Variants in SLC28A1 observed in about 807,000 individuals in gnomAD.
SLC28A1 encodes the protein sodium/nucleoside cotransporter 1.
In SLC28A1, 64 loss-of-function variants were observed where a neutral mutation model predicts 74.8. That is an observed-to-expected ratio of 0.86 (90% CI 0.70 to 1.05). The LOEUF is 1.05. SLC28A1 is among the 50% of genes least tolerant of loss of function. The pLI is 0.00. For missense variants in SLC28A1, 828 were observed against 822.8 expected, an observed-to-expected ratio of 1.01 and a Z score of -0.08; for synonymous variants, 359 against 335.0, an observed-to-expected ratio of 1.07 and a Z score of -0.78.
chr15:84,890,345 G>A, intron 4 of SLC28A1, 98 bp from the exon 5 acceptor site: 2 of 886,292 alleles, frequency 2.3e-6, no homozygotes, highest in South Asian at 1.4e-5. Flanking sequence ...TGCCCCTGTT[G>A]CCACTTTACT....
At position 84,928,567 on chromosome 15, in the gene SLC28A1, T is replaced by C. The variant is rs1454580589; in HGVS notation, c.1083+4457T>C. Among the ~76,000 whole-genome samples, 21 of 16,398 alleles carry C rather than the reference T, an allele frequency of 1.3e-3. 1 individual carries two copies. Among genetic ancestry groups the C allele is most frequent in the African/African-American group, 8.4e-3 (18 of 2,134 alleles). The allele number at this position is 16,398 out of a possible 152,430, so 10.8% of individuals were successfully genotyped here. Reference sequence around the variant, plus strand: ...CTTTCTTTCTTTCTTTCTTTCTTTCTTTCTTTCTTTCTTTCTTTCTTTCTT... The same window carrying C: ...CTTTCTTTCTTTCTTTCTTTCTTTCCTTCTTTCTTTCTTTCTTTCTTTCTT... On this transcript the variant is annotated intron_variant, in intron 12 of 18. Transcript: ENST00000394573.
chr15:84,956,446 T>TTCCTTCCTTCCTTC, the SLC28A1 span, among the ~76,000 whole-genome samples: 139 of 84,742 alleles, frequency 1.6e-3, no homozygotes, highest in Admixed American at 2.8e-3. Context: ...TTCCTTCCTT[T>TTCCTTCCTTCCTTC]CTTTCTTTCT....
intron 9 of SLC28A1, among the ~76,000 whole-genome samples, chr15:84,913,352 C>G (rs914999207): frequency 6.6e-6 from 1 of 150,480 alleles, no homozygotes; most frequent in Non-Finnish European, 1.5e-5. Flanking sequence ...GGAGCCCTGG[C>G]TCAGCTTCCT....
intron 12 of SLC28A1, among the ~76,000 whole-genome samples, chr15:84,925,603 A>G (rs1039871955): frequency 6.6e-6 from 1 of 152,132 alleles, no homozygotes; most frequent in Non-Finnish European, 1.5e-5. Context: ...GTGTTTCAAA[A>G]AAAGAAAAGA....
rs1475493251 is a variant in SLC28A1, at chr15:84,931,523, G to T, written c.1084-1622G>T. Among the ~76,000 whole-genome samples the T allele has an allele frequency of 1.0e-4, 15 of 148,908 alleles. No individual in the cohort carries two copies. In the South Asian group the frequency reaches 3.2e-3, roughly 32 times the overall value. On this transcript the variant is annotated intron_variant, in intron 12 of 18. Coordinates refer to ENST00000394573, the MANE Select transcript of SLC28A1 (RefSeq NM_004213.5). ...AAAAATTAGCTGGGCGTGGTGGTGGGCGCCTGTAGTCCCAGCTACTTGGGA... is the reference window on the plus strand; with the variant it reads ...AAAAATTAGCTGGGCGTGGTGGTGGTCGCCTGTAGTCCCAGCTACTTGGGA...
At position 84,918,557 on chromosome 15, in the gene SLC28A1, A is replaced by G. The variant is rs745733310; in HGVS notation, c.829A>G (p.Ile277Val). 77 of 1,613,790 alleles carry G rather than the reference A, an allele frequency of 4.8e-5. 1 individual carries two copies. In the Middle Eastern group the frequency reaches 6.6e-4, roughly 14 times the overall value. ...CATCATTGTCTTTTTCAGCTGTGTC[A>G]TATCCGTTCTCTACCACGTGGGCCT... ...LPIIVFFSCV[I>V]SVLYHVGLMQ... The change falls in exon 10 of 19, where the codon ATA (isoleucine) becomes GTA (valine). Residue 277 changes from isoleucine (I) to valine (V), a missense_variant. By Grantham distance (29) the Ile-to-Val change is conservative. Transcript: ENST00000394573.
chr15:84,894,731 A>T (rs1045183366), intron 5 of SLC28A1, among the ~76,000 whole-genome samples: 1 of 152,126 alleles, frequency 6.6e-6, no homozygotes, highest in East Asian at 1.9e-4. Flanking sequence ...CCCTTTCACA[A>T]CACTTTCTGC....
In SLC28A1 at chr15:84,908,178, C is replaced by CTTTTTTTTTTT. The variant is rs71135328; in HGVS notation, c.718-527_718-517dup. ...TGTCCTAATAACTCCCAGAGCATTT[C>CTTTTTTTTTTT]TTTTTTTTTTTTTTTTTTTTTTTGA... is the stretch of plus-strand genomic sequence containing the variant. On this transcript the variant is annotated intron_variant, in intron 8 of 18. Coordinates refer to ENST00000394573, the MANE Select transcript of SLC28A1 (RefSeq NM_004213.5). Among the ~76,000 whole-genome samples the CTTTTTTTTTTT allele has an allele frequency of 2.1e-3, 189 of 91,332 alleles. 7 individuals carry two copies. The highest frequency in any genetic ancestry group is 5.9e-3 in the African/African-American group (123 of 20,932). The allele number at this position is 91,332 out of a possible 152,430, so 59.9% of individuals were successfully genotyped here.
At chr15:84,887,366 C>T in intron 2 of SLC28A1, 3 of 985,416 alleles carry the variant, frequency 3.0e-6, no homozygotes, top group Middle Eastern at 5.2e-4. Flanking sequence ...CCAGAGTTCA[C>T]AAGGACTTGC....
At position 84,935,310 on chromosome 15, in the gene SLC28A1, T is replaced by G; in HGVS notation, c.1384-11T>G. 6.2e-7 allele frequency: 1 copy of G among 1,614,138 alleles called. No individual in the cohort carries two copies. ...CAGCCCTCGGTGCCAGCCATACCGT[T>G]GTGCCCTCAGCTCATCTGCTCCTAC... On this transcript the variant is annotated splice_polypyrimidine_tract_variant and intron_variant, in intron 14 of 18. Coordinates refer to ENST00000394573, the MANE Select transcript of SLC28A1 (RefSeq NM_004213.5).
downstream of SLC28A1, among the ~76,000 whole-genome samples, chr15:84,946,220 G>C (rs1351012839): frequency 6.9e-6 from 1 of 144,570 alleles, no homozygotes; most frequent in Non-Finnish European, 1.5e-5. Flanking sequence ...TTCCCAATGT[G>C]TTGGGATTAT....
rs1227920567 is a variant in SLC28A1 at position 84,886,887 on chromosome 15, A to C, written c.-17+100A>C. On this transcript the variant is annotated intron_variant, in intron 2 of 18. Transcript: ENST00000394573. ...TGCCTGTGTGTGTGCACGCACATGC[A>C]CGGGTCTCTGAGTATGTCAGCCTAA... is the stretch of plus-strand genomic sequence containing the variant. 3 of 563,152 alleles carry C rather than the reference A, an allele frequency of 5.3e-6. No homozygotes were observed. The African/African-American group carries it at 6.1e-5, about 11-fold the overall frequency. 34.9% of individuals were successfully genotyped at this position (563,152 alleles called of 1,614,324 possible).
chr15:84,944,909 A>T, intron 18 of SLC28A1, 42 bp downstream of exon 18: 1 of 1,388,084 alleles, frequency 7.2e-7, no homozygotes, highest in East Asian at 2.3e-5. Context: ...ACCCACAGTG[A>T]TAGACAGAAT....
intron 12 of SLC28A1, among the ~76,000 whole-genome samples, chr15:84,929,128 T>A (rs1211974014): frequency 6.6e-6 from 1 of 152,256 alleles, no homozygotes; most frequent in African/African-American, 2.4e-5. Flanking sequence ...TTTAAATTTT[T>A]ATTTTGTCAT....
At position 84,894,319 on chromosome 15, in the gene SLC28A1, C is replaced by T. The variant is rs140183156; in HGVS notation, c.278-621C>T. 3.6e-3 allele frequency among the ~76,000 whole-genome samples: 542 copies of T among 150,538 alleles called. 2 individuals are homozygous for T. Among genetic ancestry groups the T allele is most frequent in the African/African-American group, 0.013 (521 of 40,736 alleles). ...CCCAGGAGGCAGAGTTTGCAGTCAG[C>T]CGAGATCATGCCACTGTACTCCAGC... is the stretch of plus-strand genomic sequence containing the variant. On this transcript the variant is annotated intron_variant, in intron 5 of 18. Transcript: ENST00000394573.
At chr15:84,951,679 A>G in the SLC28A1 span, among the ~76,000 whole-genome samples, 2 of 152,112 alleles carry the variant, frequency 1.3e-5, no homozygotes, top group African/African-American at 4.8e-5. Context: ...ATTATTAACA[A>G]AGTGCCCATC....
chr15:84,948,813 T>C (rs1224700609), downstream of SLC28A1, among the ~76,000 whole-genome samples: 1 of 152,316 alleles, frequency 6.6e-6, no homozygotes, highest in South Asian at 2.1e-4. Context: ...CTCATCAAGA[T>C]AATAACCTCA....
At chr15:84,889,599 C>T (rs1020495998) in intron 4 of SLC28A1, among the ~76,000 whole-genome samples, 3 of 152,062 alleles carry the variant, frequency 2.0e-5, no homozygotes, top group African/African-American at 4.8e-5. Flanking sequence ...GGTGGATGAA[C>T]GACAGGGGAG....
In SLC28A1 at chr15:84,945,640, C is replaced by T; in HGVS notation, c.*440C>T. The T allele has an allele frequency of 3.9e-6, 1 of 256,262 alleles. No homozygotes were observed. The highest frequency in any genetic ancestry group is 5.0e-5 in the South Asian group (1 of 19,814). The allele number at this position is 256,262 out of a possible 1,614,324, so 15.9% of individuals were successfully genotyped here. A position where few individuals can be genotyped will look rare whatever the true frequency, so the allele number is the denominator to read the frequency against. On this transcript the variant is annotated 3_prime_UTR_variant, in exon 19 of 19. Coordinates refer to ENST00000394573, the MANE Select transcript of SLC28A1 (RefSeq NM_004213.5). ...GGCTTCCCCTGCTGGGTGGTGTCAC[C>T]TCTTTCTCTGCTTTCAGAGAAACCC...
Sources: gnomAD v4.1 joint callset for allele counts (sites outside exome capture counted in the v4.1 genomes callset) on GRCh38, gnomAD v4.1.1 for gene constraint, MANE v1.5 for transcripts, NCBI Gene and HGNC (gene_info 2026-07-23, HGNC 2026-07-21) for gene names.